The following RP2 variants were observed in gnomAD, a reference collection of about 807,000 sequenced individuals.
The protein encoded by RP2 is RP2 activator of ARL3 GTPase.
A neutral mutation model predicts 20.3 loss-of-function variants in RP2; 3 were observed. That is an observed-to-expected ratio of 0.15 (90% CI 0.07 to 0.38). The LOEUF (loss-of-function observed/expected upper bound fraction) is 0.38, where lower values mean the gene tolerates loss of function less well. Ranked by LOEUF, RP2 falls within the 10% of genes least tolerant of loss-of-function variation. The probability of loss-of-function intolerance (pLI) is 1.00; values close to 1 mark genes in which losing one functional copy is unlikely to be tolerated. For missense variants in RP2, 233 were observed against 268.5 expected, an observed-to-expected ratio of 0.87 and a Z score of 0.92; for synonymous variants, 75 against 94.8, an observed-to-expected ratio of 0.79 and a Z score of 1.22.
intron 2 of RP2, among the ~76,000 whole-genome samples, chrX:46,856,122 G>A (rs1338845707): frequency 9.0e-6 from 1 of 111,446 alleles, no homozygotes; most frequent in Non-Finnish European, 1.9e-5. Context: ...CTTTCATTAT[G>A]CAGTATGGTG....
chrX:46,866,293 C>T (rs1303667670), intron 3 of RP2, among the ~76,000 whole-genome samples: 1 of 111,774 alleles, frequency 8.9e-6, no homozygotes, highest in African/African-American at 3.3e-5. Flanking sequence ...TGGTTCTAGG[C>T]CCTTTCAACA....
chrX:46,843,109 G>A (rs1924654671), intron 1 of RP2, among the ~76,000 whole-genome samples: 1 of 106,263 alleles, frequency 9.4e-6, no homozygotes, highest in Admixed American at 1.0e-4. Context: ...CCGGGTTCAC[G>A]CCATTCTCCT....
chrX:46,860,649 T>C (rs1055195665), intron 3 of RP2, among the ~76,000 whole-genome samples: 1 of 111,981 alleles, frequency 8.9e-6, no homozygotes, highest in Non-Finnish European at 1.9e-5. Flanking sequence ...CTTGAGTATG[T>C]GTGCCCACTT....
chrX:46,839,097 A>G (rs1924567594), intron 1 of RP2, among the ~76,000 whole-genome samples: 1 of 111,458 alleles, frequency 9.0e-6, no homozygotes, highest in Non-Finnish European at 1.9e-5. Context: ...AATATTTTGG[A>G]CTGTTGAAGA....
chrX:46,874,557 TA>T (rs1215638051), intron 3 of RP2, among the ~76,000 whole-genome samples: 23 of 107,655 alleles, frequency 2.1e-4, no homozygotes, highest in African/African-American at 4.4e-4. Context: ...TTGCCATACT[TA>T]AAAAAAAAAC....
At chrX:46,838,568 T>A (rs1289065343) in intron 1 of RP2, among the ~76,000 whole-genome samples, 4 of 112,955 alleles carry the variant, frequency 3.5e-5, no homozygotes, top group African/African-American at 1.3e-4. Flanking sequence ...CATTTTTATT[T>A]TAGTTTTTTC....
Position 46,879,941 on chromosome X carries a change from A to T in RP2, c.*172A>T, listed in dbSNP as rs1191291803. 4 of 341,911 alleles carry T rather than the reference A, an allele frequency of 1.2e-5. No individual in the cohort carries two copies. The highest frequency in any genetic ancestry group is 1.1e-4 in the African/African-American group (4 of 37,624). 28.2% of individuals were successfully genotyped at this position (341,911 alleles called of 1,213,427 possible). ...ATCATTTACTTGAGGTTCAAAAATA[A>T]TTCATTTTAAATTAAGTAGTTTTAA... On this transcript the variant is annotated 3_prime_UTR_variant, in exon 5 of 5. Coordinates refer to ENST00000218340, the MANE Select transcript of RP2 (RefSeq NM_006915.3).
chrX:46,854,730 T>C (rs1418281261), intron 2 of RP2, among the ~76,000 whole-genome samples: 1 of 110,756 alleles, frequency 9.0e-6, no homozygotes, highest in Admixed American at 9.8e-5. Flanking sequence ...AGTGGGGAAA[T>C]TTCTTTAGAG....
intron 2 of RP2, among the ~76,000 whole-genome samples, chrX:46,855,940 T>C (rs1924952398): frequency 8.9e-6 from 1 of 112,130 alleles, no homozygotes; most frequent in Non-Finnish European, 1.9e-5. Context: ...ATCTGAGGTA[T>C]AGTTTTTAAA....
chrX:46,879,269 A>AAT (rs1373966210), intron 4 of RP2, among the ~76,000 whole-genome samples: 3 of 109,039 alleles, frequency 2.8e-5, no homozygotes, highest in Non-Finnish European at 3.8e-5. Context: ...AAAAAATAAT[A>AAT]ATATATCTTT....
At chrX:46,865,321 G>C (rs1249684286) in intron 3 of RP2, among the ~76,000 whole-genome samples, 2 of 111,605 alleles carry the variant, frequency 1.8e-5, no homozygotes, top group African/African-American at 6.5e-5. Flanking sequence ...TGAAACTTTT[G>C]AATAGTAGTG....
At chrX:46,841,411 T>G (rs1602343833) in intron 1 of RP2, among the ~76,000 whole-genome samples, 1 of 112,341 alleles carries the variant, frequency 8.9e-6, no homozygotes, top group African/African-American at 3.2e-5. Flanking sequence ...CTCTTTAATT[T>G]GCATAAGGTT....
chrX:46,874,795 G>A (rs1275621232), intron 3 of RP2, among the ~76,000 whole-genome samples: 1 of 109,069 alleles, frequency 9.2e-6, no homozygotes, highest in Non-Finnish European at 1.9e-5. Context: ...ATTTGATCCA[G>A]ATCTAAAATA....
At chrX:46,839,453 G>A (rs1477699381) in intron 1 of RP2, among the ~76,000 whole-genome samples, 1 of 110,646 alleles carries the variant, frequency 9.0e-6, no homozygotes, top group Non-Finnish European at 1.9e-5. Flanking sequence ...TCAGTAGGCT[G>A]AGGTGGGAGG....
intron 3 of RP2, among the ~76,000 whole-genome samples, chrX:46,863,582 C>T (rs1556321142): frequency 8.9e-6 from 1 of 111,869 alleles, no homozygotes; most frequent in Non-Finnish European, 1.9e-5. Flanking sequence ...CAGGGTTTCT[C>T]AACTGTGGCA....
At chrX:46,849,683 C>T (rs1924825603) in intron 1 of RP2, among the ~76,000 whole-genome samples, 1 of 112,403 alleles carries the variant, frequency 8.9e-6, no homozygotes, top group African/African-American at 3.2e-5. Context: ...GCTATAAAAT[C>T]TTTAGCTATC....
chrX:46,855,154 A>G (rs1556318943), intron 2 of RP2, among the ~76,000 whole-genome samples: 1 of 110,876 alleles, frequency 9.0e-6, no homozygotes, highest in Non-Finnish European at 1.9e-5. Context: ...CTTTATTGCC[A>G]TAGAAGGGAG....
chrX:46,847,929 C>CATATATATAT (rs10533014), intron 1 of RP2, among the ~76,000 whole-genome samples: 4 of 82,380 alleles, frequency 4.9e-5, no homozygotes, highest in African/African-American at 1.8e-4. Flanking sequence ...TGTGTATATA[C>CATATATATAT]ATATATATAT....
intron 1 of RP2, among the ~76,000 whole-genome samples, chrX:46,840,511 G>A (rs1924600797): frequency 8.9e-6 from 1 of 112,682 alleles, no homozygotes; most frequent in Non-Finnish European, 1.9e-5. Context: ...CTGATGTGAT[G>A]AGAAATATTT....
Sources: gnomAD v4.1 joint callset for allele counts (sites outside exome capture counted in the v4.1 genomes callset) on GRCh38, gnomAD v4.1.1 for gene constraint, MANE v1.5 for transcripts, NCBI Gene and HGNC (gene_info 2026-07-23, HGNC 2026-07-21) for gene names.